Variants in PRKCA observed in about 807,000 individuals in gnomAD.
PRKCA encodes the protein protein kinase C alpha type.
A neutral mutation model predicts 87.0 loss-of-function variants in PRKCA; 27 were observed. That is an observed-to-expected ratio of 0.31 (90% CI 0.23 to 0.43). The LOEUF (loss-of-function observed/expected upper bound fraction) is 0.43, where lower values mean the gene tolerates loss of function less well. Ranked by LOEUF, PRKCA falls within the 20% of genes least tolerant of loss-of-function variation. PRKCA has a pLI of 1.00. For missense variants in PRKCA, 518 were observed against 852.3 expected (o/e 0.61, Z 4.88); for synonymous variants, 329 against 311.1 (o/e 1.06, Z -0.61).
chr17:66,351,084 G>A (rs918338402), intron 2 of PRKCA, among the ~76,000 whole-genome samples: 3 of 152,188 alleles, frequency 2.0e-5, no homozygotes, highest in Non-Finnish European at 4.4e-5. Flanking sequence ...GAGTGGACAG[G>A]GTCTGTCATA....
chr17:66,674,581 G>A (rs1034688794), intron 5 of PRKCA, among the ~76,000 whole-genome samples: 8 of 152,322 alleles, frequency 5.3e-5, no homozygotes, highest in Middle Eastern at 3.4e-3. Flanking sequence ...TCTGCTAGGG[G>A]AATGTGGGCC....
intron 16 of PRKCA, among the ~76,000 whole-genome samples, chr17:66,799,604 GTGGTGGTGGTGGTGGTGGTGATGGTAA>G (rs1975839541): frequency 2.3e-5 from 1 of 44,108 alleles, no homozygotes; most frequent in Non-Finnish European, 4.2e-5. Context: ...GGTGATGGTG[GTGGTGGTGGTGGTGGTGGTGATGGTAA>G]TGGTGGTGGT....
At chr17:66,433,831 C>T (rs903606090) in intron 2 of PRKCA, among the ~76,000 whole-genome samples, 2 of 152,202 alleles carry the variant, frequency 1.3e-5, no homozygotes, top group Non-Finnish European at 2.9e-5. Context: ...AGGTGTGAGC[C>T]ACTGCACCCA....
intron 2 of PRKCA, among the ~76,000 whole-genome samples, chr17:66,362,758 G>A (rs188148427): frequency 3.1e-3 from 474 of 151,290 alleles, no homozygotes; most frequent in Admixed American, 0.011. Context: ...GCAGTCGTGC[G>A]ATCTTGGCTC....
At chr17:66,329,815 C>T (rs375850812) in intron 2 of PRKCA, among the ~76,000 whole-genome samples, 4 of 152,154 alleles carry the variant, frequency 2.6e-5, no homozygotes, top group Admixed American at 1.3e-4. Context: ...AAGGATTGTT[C>T]AGTCAAACAC....
At chr17:66,445,392 G>T (rs1913980582) in intron 2 of PRKCA, among the ~76,000 whole-genome samples, 1 of 152,240 alleles carries the variant, frequency 6.6e-6, no homozygotes, top group Non-Finnish European at 1.5e-5. Flanking sequence ...ACACTGGAGA[G>T]TCCAAGCATT....
chr17:66,401,607 G>C (rs1911035529), intron 2 of PRKCA, among the ~76,000 whole-genome samples: 2 of 152,156 alleles, frequency 1.3e-5, no homozygotes, highest in Admixed American at 6.5e-5. Flanking sequence ...AGAGAGATTA[G>C]GTAAGAGGTT....
chr17:66,368,001 A>C (rs1035270073), intron 2 of PRKCA, among the ~76,000 whole-genome samples: 2 of 152,198 alleles, frequency 1.3e-5, no homozygotes, highest in African/African-American at 4.8e-5. Flanking sequence ...AACATGAATG[A>C]GTAACATCAC....
At chr17:66,365,516 C>A (rs1374251451) in intron 2 of PRKCA, among the ~76,000 whole-genome samples, 1 of 152,154 alleles carries the variant, frequency 6.6e-6, no homozygotes, top group Non-Finnish European at 1.5e-5. Context: ...TAAATGGCTT[C>A]CCTTTACTGA....
intron 3 of PRKCA, among the ~76,000 whole-genome samples, chr17:66,630,118 A>C (rs1970970319): frequency 6.6e-6 from 1 of 152,230 alleles, no homozygotes; most frequent in Admixed American, 6.5e-5. Context: ...CAGAGTTACC[A>C]TAAAGCTAGT....
intron 3 of PRKCA, among the ~76,000 whole-genome samples, chr17:66,537,702 G>A (rs1275405326): frequency 6.6e-6 from 1 of 152,120 alleles, no homozygotes; most frequent in Non-Finnish European, 1.5e-5. Context: ...CAAAATAGAA[G>A]TATTTTCCAC....
chr17:66,317,014 C>A (rs890725591), intron 2 of PRKCA, among the ~76,000 whole-genome samples: 3 of 151,806 alleles, frequency 2.0e-5, no homozygotes, highest in Admixed American at 2.0e-4. Flanking sequence ...CGGTGGCGGG[C>A]GCCTGTAGTC....
chr17:66,348,318 G>C (rs1453229505), intron 2 of PRKCA, among the ~76,000 whole-genome samples: 1 of 152,034 alleles, frequency 6.6e-6, no homozygotes, highest in African/African-American at 2.4e-5. Flanking sequence ...AAAGCCCCTG[G>C]GATTTCATGG....
At chr17:66,499,783 T>C (rs1252433577) in intron 3 of PRKCA, among the ~76,000 whole-genome samples, 1 of 152,124 alleles carries the variant, frequency 6.6e-6, no homozygotes, top group Non-Finnish European at 1.5e-5. Context: ...TTTTTTTTAA[T>C]GTGAAAGAGA....
chr17:66,553,934 T>C (rs1267007384), intron 3 of PRKCA, among the ~76,000 whole-genome samples: 2 of 152,116 alleles, frequency 1.3e-5, no homozygotes, highest in Non-Finnish European at 1.5e-5. Flanking sequence ...AACCTTGGAC[T>C]TTGGGGTAGA....
At position 66,698,819 on chromosome 17, in the gene PRKCA, C is replaced by CAA. The variant is rs59309576; in HGVS notation, c.918+9788_918+9789dup. ...CAAAACCCTGTGTCTACTAAAAATA[C>CAA]AAAAAAAAAAAAAAAAATAGGTGTA... is the stretch of plus-strand genomic sequence containing the variant. On this transcript the variant is annotated intron_variant, in intron 8 of 16. Transcript: ENST00000413366. Among the ~76,000 whole-genome samples the CAA allele has an allele frequency of 5.7e-3, 584 of 102,768 alleles. 4 individuals are homozygous for CAA. Among genetic ancestry groups the CAA allele is most frequent in the African/African-American group, 0.013 (378 of 28,348 alleles). 67.4% of individuals were successfully genotyped at this position (102,768 alleles called of 152,430 possible).
chr17:66,595,324 C>T (rs1969939250), intron 3 of PRKCA, among the ~76,000 whole-genome samples: 1 of 152,124 alleles, frequency 6.6e-6, no homozygotes, highest in Non-Finnish European at 1.5e-5. Flanking sequence ...TGAGCCACTG[C>T]ACCTGGCCTT....
intron 14 of PRKCA, among the ~76,000 whole-genome samples, chr17:66,782,034 C>T (rs905041866): frequency 9.9e-5 from 15 of 151,850 alleles, no homozygotes; most frequent in African/African-American, 3.1e-4. Context: ...CTGCTTCAGC[C>T]TCCCAGGTAG....
rs1357370480 is a variant in PRKCA at position 66,566,489 on chromosome 17, T to TG, written c.288+70206_288+70207insG. On this transcript the variant is annotated intron_variant, in intron 3 of 16. Transcript: ENST00000413366. ...CTGTTGTTGTTTTTTGGTTTTTTTT[T>TG]TTTTTTTTTTTTTGCAACAGCTTTC... Among the ~76,000 whole-genome samples the TG allele has an allele frequency of 3.0e-4, 44 of 148,430 alleles. 1 individual carries two copies. The highest frequency in any genetic ancestry group is 6.2e-4 in the African/African-American group (25 of 40,136).
Sources: allele counts gnomAD v4.1 joint callset (sites outside exome capture counted in the v4.1 genomes callset), GRCh38; gene constraint gnomAD v4.1.1; transcripts MANE v1.5; gene names NCBI Gene and HGNC (gene_info 2026-07-23, HGNC 2026-07-21).